The following HS6ST3 variants were observed in gnomAD, a reference collection of about 807,000 sequenced individuals.
HS6ST3 encodes heparan-sulfate 6-O-sulfotransferase 3.
A neutral mutation model predicts 36.7 loss-of-function variants in HS6ST3; 12 were observed. The ratio of observed to expected loss-of-function variants is 0.33; its 90% CI spans 0.21 to 0.53. HS6ST3 has a LOEUF of 0.53. HS6ST3 is among the 20% of genes least tolerant of loss of function. The probability of loss-of-function intolerance (pLI) is 0.95; values close to 1 mark genes in which losing one functional copy is unlikely to be tolerated. For synonymous variants in HS6ST3, 240 were observed against 257.5 expected (o/e 0.93, Z 0.65); for missense variants, 584 against 640.9 (o/e 0.91, Z 0.96).
At chr13:96,738,597 T>G (rs1243057704) in intron 1 of HS6ST3, among the ~76,000 whole-genome samples, 1 of 152,006 alleles carries the variant, frequency 6.6e-6, no homozygotes, top group East Asian at 1.9e-4. Flanking sequence ...CATTTTTTCC[T>G]TTTGTAGTGG....
chr13:96,444,537 T>C (rs1449763510), intron 1 of HS6ST3, among the ~76,000 whole-genome samples: 1 of 152,218 alleles, frequency 6.6e-6, no homozygotes, highest in African/African-American at 2.4e-5. Context: ...TTAATCAGTC[T>C]TAATTTCTTA....
chr13:96,659,723 A>T (rs1413720822), intron 1 of HS6ST3, among the ~76,000 whole-genome samples: 2 of 152,120 alleles, frequency 1.3e-5, no homozygotes, highest in South Asian at 4.1e-4. Flanking sequence ...ATAGCTATCT[A>T]ATTGCTCCAG....
intron 1 of HS6ST3, among the ~76,000 whole-genome samples, chr13:96,108,042 A>G (rs545152150): frequency 1.6e-4 from 24 of 152,348 alleles, no homozygotes; most frequent in Non-Finnish European, 2.2e-4. Context: ...GGTAACCATT[A>G]GGTCTGACTG....
At position 96,775,489 on chromosome 13, in the gene HS6ST3, T is replaced by G. The variant is rs560642890; in HGVS notation, c.708-57001T>G. On this transcript the variant is annotated intron_variant, in intron 1 of 1. Coordinates refer to ENST00000376705, the MANE Select transcript of HS6ST3 (RefSeq NM_153456.4). ...TCAAAATAAAGGGATGGAGGAAGAT[T>G]TACCAAGCACATGGAAGGCAAAAAA... Among the ~76,000 whole-genome samples, 105 of 150,764 alleles carry G rather than the reference T, an allele frequency of 7.0e-4. 2 individuals carry two copies. Among genetic ancestry groups the G allele is most frequent in the African/African-American group, 2.4e-3 (100 of 41,016 alleles).
At chr13:96,810,942 A>G (rs1427946494) in intron 1 of HS6ST3, among the ~76,000 whole-genome samples, 2 of 152,188 alleles carry the variant, frequency 1.3e-5, no homozygotes, top group East Asian at 3.9e-4. Context: ...TAGGCCTCTG[A>G]GCTGTGAACA....
At chr13:96,556,529 T>A (rs2056241431) in intron 1 of HS6ST3, among the ~76,000 whole-genome samples, 1 of 152,166 alleles carries the variant, frequency 6.6e-6, no homozygotes, top group African/African-American at 2.4e-5. Flanking sequence ...CATCTTCAAA[T>A]TGGTTTGAAG....
chr13:96,767,339 C>T (rs1398736284), intron 1 of HS6ST3, among the ~76,000 whole-genome samples: 1 of 152,172 alleles, frequency 6.6e-6, no homozygotes, highest in Admixed American at 6.5e-5. Flanking sequence ...TATACACATG[C>T]ACCCCACCCT....
At chr13:96,113,278 C>G (rs1480436311) in intron 1 of HS6ST3, among the ~76,000 whole-genome samples, 1 of 152,170 alleles carries the variant, frequency 6.6e-6, no homozygotes, top group East Asian at 1.9e-4. Context: ...TGGGGAGAAG[C>G]CAGACTCAGA....
chr13:96,567,842 G>A (rs1325262115), intron 1 of HS6ST3, among the ~76,000 whole-genome samples: 1 of 152,152 alleles, frequency 6.6e-6, no homozygotes, highest in African/African-American at 2.4e-5. Flanking sequence ...AAGTAGAAAG[G>A]CTTATCGTGG....
intron 1 of HS6ST3, among the ~76,000 whole-genome samples, chr13:96,727,144 A>T (rs1044019018): frequency 6.6e-6 from 1 of 152,188 alleles, no homozygotes; most frequent in African/African-American, 2.4e-5. Context: ...TATCTGTCAG[A>T]AAAAGTATGT....
intron 1 of HS6ST3, among the ~76,000 whole-genome samples, chr13:96,115,282 T>C (rs899230577): frequency 1.3e-5 from 2 of 152,154 alleles, no homozygotes; most frequent in African/African-American, 4.8e-5. Context: ...TTTTATTTGT[T>C]TGTTTTACTT....
At chr13:96,187,638 T>C (rs1311313730) in intron 1 of HS6ST3, among the ~76,000 whole-genome samples, 3 of 152,154 alleles carry the variant, frequency 2.0e-5, no homozygotes, top group African/African-American at 7.2e-5. Context: ...TGTGACTCAG[T>C]GACTCTATGG....
chr13:96,207,272 C>G (rs543045486), intron 1 of HS6ST3, among the ~76,000 whole-genome samples: 2 of 152,180 alleles, frequency 1.3e-5, no homozygotes, highest in Admixed American at 6.6e-5. Context: ...TCATGCCAGT[C>G]AGAACAGCTA....
intron 1 of HS6ST3, among the ~76,000 whole-genome samples, chr13:96,172,404 G>C (rs2139335132): frequency 6.6e-6 from 1 of 152,292 alleles, no homozygotes; most frequent in East Asian, 1.9e-4. Flanking sequence ...AAAGCCCTGT[G>C]AGTTCACCAT....
At chr13:96,223,119 G>T (rs1035642778) in intron 1 of HS6ST3, among the ~76,000 whole-genome samples, 4 of 152,146 alleles carry the variant, frequency 2.6e-5, no homozygotes, top group African/African-American at 9.7e-5. Flanking sequence ...TGGAATACTT[G>T]GTTTCATGAG....
chr13:96,317,351 T>A (rs369506369), intron 1 of HS6ST3, among the ~76,000 whole-genome samples: 469 of 26,902 alleles, frequency 0.017, 15 homozygotes, highest in African/African-American at 0.064. Context: ...TATATATATA[T>A]ATATATATAT....
intron 1 of HS6ST3, among the ~76,000 whole-genome samples, chr13:96,442,256 CA>C (rs2055675367): frequency 2.6e-5 from 4 of 152,160 alleles, no homozygotes. Context: ...TCAGGTAATC[CA>C]TCCATCTTGG....
chr13:96,108,435 C>T (rs993632506), intron 1 of HS6ST3, among the ~76,000 whole-genome samples: 2 of 152,188 alleles, frequency 1.3e-5, no homozygotes, highest in African/African-American at 4.8e-5. Context: ...TGACCTTGCC[C>T]TGCCCATTTG....
chr13:96,454,215 A>G (rs1264276697), intron 1 of HS6ST3, among the ~76,000 whole-genome samples: 1 of 152,118 alleles, frequency 6.6e-6, no homozygotes, highest in Non-Finnish European at 1.5e-5. Context: ...TAGGGCATAT[A>G]TTAGGAACTG....
Sources: gnomAD v4.1 joint callset for allele counts (sites outside exome capture counted in the v4.1 genomes callset) on GRCh38, gnomAD v4.1.1 for gene constraint, MANE v1.5 for transcripts, NCBI Gene and HGNC (gene_info 2026-07-23, HGNC 2026-07-21) for gene names.